SORCS2: variants seen among roughly 807,000 people sequenced by gnomAD.
The protein encoded by SORCS2 is VPS10 domain-containing receptor SorCS2.
SORCS2 carries 100 observed loss-of-function variants against 141.6 expected under a neutral mutation model. That is an observed-to-expected ratio of 0.71 (90% CI 0.60 to 0.83). The LOEUF is 0.83. SORCS2 is among the 40% of genes least tolerant of loss of function. The pLI, the probability that SORCS2 is intolerant of heterozygous loss-of-function variation, is 0.00. For missense variants in SORCS2, 1,646 were observed against 1,560.2 expected (o/e 1.05, Z -0.93); for synonymous variants, 789 against 676.9 (o/e 1.17, Z -2.57).
intron 1 of SORCS2, among the ~76,000 whole-genome samples, chr4:7,298,232 GT>G (rs1382962847): frequency 6.6e-6 from 1 of 152,174 alleles, no homozygotes; most frequent in Non-Finnish European, 1.5e-5. Context: ...GAAAGGGGCA[GT>G]TTGGGGACAT....
chr4:7,613,617 C>T (rs529431881), intron 3 of SORCS2, among the ~76,000 whole-genome samples: 1 of 152,274 alleles, frequency 6.6e-6, no homozygotes, highest in South Asian at 2.1e-4. Flanking sequence ...CCAAGAATGA[C>T]CCGTGGAGAC....
At chr4:7,248,505 A>T (rs2008103) in intron 1 of SORCS2, among the ~76,000 whole-genome samples, 82 of 152,134 alleles carry the variant, frequency 5.4e-4, no homozygotes, top group African/African-American at 1.5e-3. Flanking sequence ...TTGAAGACAG[A>T]ATCTGTGAAG....
At chr4:7,696,622 G>A (rs914295005) in intron 11 of SORCS2, among the ~76,000 whole-genome samples, 1 of 152,212 alleles carries the variant, frequency 6.6e-6, no homozygotes, top group Non-Finnish European at 1.5e-5. Flanking sequence ...AATCAGCCCA[G>A]TGCTGGGGCT....
chr4:7,467,717 G>C (rs1483305514), intron 2 of SORCS2, among the ~76,000 whole-genome samples: 1 of 152,208 alleles, frequency 6.6e-6, no homozygotes, highest in African/African-American at 2.4e-5. Context: ...ATGCCACCCA[G>C]CTCTTGGTCT....
At chr4:7,455,385 G>T (rs1728826688) in intron 2 of SORCS2, among the ~76,000 whole-genome samples, 1 of 130,660 alleles carries the variant, frequency 7.7e-6, no homozygotes, top group African/African-American at 3.0e-5. Flanking sequence ...CTGTGTGTTG[G>T]GGTCAGGTGC....
chr4:7,604,557 C>T (rs1717942152), intron 3 of SORCS2, among the ~76,000 whole-genome samples: 1 of 152,192 alleles, frequency 6.6e-6, no homozygotes, highest in African/African-American at 2.4e-5. Context: ...CCTCGGCCTC[C>T]CAAAGTGCTG....
chr4:7,228,496 T>C (rs1293126967), intron 1 of SORCS2, among the ~76,000 whole-genome samples: 1 of 152,188 alleles, frequency 6.6e-6, no homozygotes, highest in Non-Finnish European at 1.5e-5. Flanking sequence ...AAACTTGGCA[T>C]ATTCCTTGCC....
intron 1 of SORCS2, among the ~76,000 whole-genome samples, chr4:7,268,521 GC>G (rs1714898813): frequency 6.6e-6 from 1 of 152,222 alleles, no homozygotes; most frequent in Non-Finnish European, 1.5e-5. Context: ...TAATGAGGCT[GC>G]CAGGATCAGG....
At chr4:7,665,522 C>T (rs1047623820) in intron 7 of SORCS2, among the ~76,000 whole-genome samples, 2 of 152,196 alleles carry the variant, frequency 1.3e-5, no homozygotes, top group African/African-American at 4.8e-5. Flanking sequence ...CTCAATCATG[C>T]ACTTCCTCCT....
chr4:7,715,263 C>T lies in SORCS2; in HGVS notation c.2204C>T (p.Ser735Phe), dbSNP rs772678048. 3 of 1,613,844 alleles carry T rather than the reference C, an allele frequency of 1.9e-6. No homozygotes were observed. The Admixed American group carries it at 5.0e-5, about 27-fold the overall frequency. The stretch of plus-strand genomic sequence containing the variant: ...GCCAACTTCTGGTTTAACCCATTGT[C>T]CCCGCCTGACGACTGTGCCCTGGGC... ...CSANFWFNPL[S>F]PPDDCALGQT... is the part of the protein sequence containing the mutation. Residue 735 changes from serine (S) to phenylalanine (F), a missense_variant, in exon 17 of 27, where the codon TCC becomes TTC. Physicochemically the swap from Ser to Phe is radical, Grantham distance 155. Transcript: ENST00000507866.
intron 1 of SORCS2, among the ~76,000 whole-genome samples, chr4:7,242,512 A>G (rs1241024997): frequency 6.6e-6 from 1 of 151,794 alleles, no homozygotes; most frequent in Admixed American, 6.6e-5. Context: ...TTCTGAATCA[A>G]TCCCTGAATC....
intron 1 of SORCS2, among the ~76,000 whole-genome samples, chr4:7,345,778 C>A (rs1720618799): frequency 6.6e-6 from 1 of 152,208 alleles, no homozygotes; most frequent in African/African-American, 2.4e-5. Context: ...GCAGCAGACC[C>A]AGTCTTCCTT....
intron 12 of SORCS2, among the ~76,000 whole-genome samples, chr4:7,699,950 C>A (rs1489952380): frequency 6.6e-6 from 1 of 152,208 alleles, no homozygotes; most frequent in Non-Finnish European, 1.5e-5. Flanking sequence ...TCCGAGGAAT[C>A]TTCTGAAAGG....
chr4:7,598,346 AG>A (rs1717424551), intron 3 of SORCS2, among the ~76,000 whole-genome samples: 1 of 152,150 alleles, frequency 6.6e-6, no homozygotes, highest in South Asian at 2.1e-4. Context: ...GATGCCCCAG[AG>A]AGGTTCCGTG....
chr4:7,721,655 C>T (rs775057775), intron 18 of SORCS2, among the ~76,000 whole-genome samples: 1 of 152,142 alleles, frequency 6.6e-6, no homozygotes, highest in Non-Finnish European at 1.5e-5. Context: ...CTAATGGTTA[C>T]CATGGAGTTG....
intron 1 of SORCS2, among the ~76,000 whole-genome samples, chr4:7,320,992 G>A (rs139261281): frequency 0.015 from 2,225 of 149,188 alleles, 48 homozygotes; most frequent in African/African-American, 0.052. Flanking sequence ...TTGGTTACAT[G>A]GATGAATTGT....
intron 2 of SORCS2, among the ~76,000 whole-genome samples, chr4:7,454,350 CTGTGTTGGGGTCAGGAGCTG>C (rs1728715900): frequency 3.0e-5 from 3 of 101,312 alleles, no homozygotes; most frequent in Non-Finnish European, 5.9e-5. Context: ...GGGTCAGGCA[CTGTGTTGGGGTCAGGAGCTG>C]TGTGTTGGGG....
chr4:7,216,641 C>G (rs1220445460), intron 1 of SORCS2, among the ~76,000 whole-genome samples: 9 of 152,168 alleles, frequency 5.9e-5, no homozygotes, highest in African/African-American at 2.2e-4. Context: ...CAATCTCTGC[C>G]TTCGCGTCTC....
At chr4:7,209,453 C>G (rs1314479224) in intron 1 of SORCS2, among the ~76,000 whole-genome samples, 1 of 152,140 alleles carries the variant, frequency 6.6e-6, no homozygotes, top group African/African-American at 2.4e-5. Flanking sequence ...AGGCACCTCT[C>G]TCTTTAGGAA....
Sources: gnomAD v4.1 joint callset for allele counts (sites outside exome capture counted in the v4.1 genomes callset) on GRCh38, gnomAD v4.1.1 for gene constraint, MANE v1.5 for transcripts, NCBI Gene and HGNC (gene_info 2026-07-23, HGNC 2026-07-21) for gene names.